Variants in PREX2 observed in about 807,000 individuals in gnomAD.
The protein encoded by PREX2 is phosphatidylinositol-3,4,5-trisphosphate dependent Rac exchange factor 2, also known as phosphatidylinositol 3,4,5-trisphosphate-dependent Rac exchanger 2 protein.
PREX2 carries 107 observed loss-of-function variants against 203.2 expected under a neutral mutation model. The ratio of observed to expected loss-of-function variants is 0.53; its 90% CI spans 0.45 to 0.62. The LOEUF (loss-of-function observed/expected upper bound fraction) is 0.62. PREX2 is among the 20% of genes least tolerant of loss of function. The pLI is 0.00. For missense variants in PREX2, 1,777 were observed against 1,955.9 expected (o/e 0.91, Z 1.72); for synonymous variants, 672 against 663.6 (o/e 1.01, Z -0.19).
intron 1 of PREX2, among the ~76,000 whole-genome samples, chr8:67,971,214 GCGT>G (rs1805918109): frequency 6.6e-6 from 1 of 152,180 alleles, no homozygotes; most frequent in African/African-American, 2.4e-5. Context: ...GGTTCAGAAA[GCGT>G]CGTCTGGGAG....
rs149599473 is a variant in PREX2 at position 68,209,948 on chromosome 8, T to TAAA, written c.4605-7666_4605-7664dup. Among the ~76,000 whole-genome samples the TAAA allele has an allele frequency of 5.9e-3, 903 of 152,296 alleles. 4 individuals are homozygous for TAAA. Among genetic ancestry groups the TAAA allele is most frequent in the Non-Finnish European group, 8.6e-3 (587 of 68,018 alleles). ...TAACAGGAAATTCTTCTGCTAATTA[T>TAAA]AAAACTGCACTAACACAAAACAAGA... On this transcript the variant is annotated intron_variant, in intron 37 of 39. Transcript: ENST00000288368.
intron 1 of PREX2, 95 bp from the exon 2 acceptor site, chr8:68,017,751 T>C (rs1052264434): frequency 1.0e-6 from 1 of 968,306 alleles, no homozygotes; most frequent in South Asian, 1.4e-5. Flanking sequence ...TTTTACACTT[T>C]GGTTTGTTGT....
chr8:68,175,405 G>A lies in PREX2; in HGVS notation c.4347-16317G>A, dbSNP rs148957857. 5.2e-3 allele frequency among the ~76,000 whole-genome samples: 789 copies of A among 152,212 alleles called. 3 individuals are homozygous for A. The highest frequency in any genetic ancestry group is 7.2e-3 in the Non-Finnish European group (487 of 67,996). On this transcript the variant is annotated intron_variant, in intron 35 of 39. Coordinates refer to ENST00000288368, the MANE Select transcript of PREX2 (RefSeq NM_024870.4). ...CTTCTAAGTGGGGCAGGCCGGGGTC[G>A]GAGAGGATGCATATTCTACTGTGCA...
At position 68,080,810 on chromosome 8, in the gene PREX2, A is replaced by C; in HGVS notation, c.1850A>C (p.Lys617Thr). ...LEDKNKVPIIKLVEKGSNAEM... is the reference protein window; with the variant it reads ...LEDKNKVPIITLVEKGSNAEM... ...GACAAAAATAAAGTTCCAATAATAA[A>C]GTTGGTAGAAAAGGGATCTAATGCT... The change falls in exon 17 of 40, where the codon AAG (lysine) becomes ACG (threonine). Residue 617 changes from lysine (K) to threonine (T), a missense_variant. Lys to Thr is a moderately conservative substitution (Grantham distance 78). Coordinates refer to ENST00000288368, the MANE Select transcript of PREX2 (RefSeq NM_024870.4). The C allele has an allele frequency of 1.3e-6, 2 of 1,549,850 alleles. No individual in the cohort carries two copies. The highest frequency in any genetic ancestry group is 1.1e-5 in the South Asian group (1 of 87,004).
Position 68,060,425 on chromosome 8 carries a change from A to AAC in PREX2, c.1239-252_1239-251dup, listed in dbSNP as rs568262441. On this transcript the variant is annotated intron_variant, in intron 10 of 39. Coordinates refer to ENST00000288368, the MANE Select transcript of PREX2 (RefSeq NM_024870.4). ...TCACTTTGTGTTTATTAGAGGCCTC[A>AAC]ACAAGTTGAATAGTTTAAAACTAAG... Among the ~76,000 whole-genome samples the AAC allele has an allele frequency of 3.0e-4, 45 of 152,350 alleles. No homozygotes were observed. The East Asian group carries it at 8.1e-3, about 27-fold the overall frequency.
chr8:68,080,941 ATTATCT>A, intron 17 of PREX2, 103 bp downstream of exon 17: 1 of 742,690 alleles, frequency 1.3e-6, no homozygotes, highest in East Asian at 2.5e-5. Flanking sequence ...CAGCCTTGAA[ATTATCT>A]TTATCAAACA....
At chr8:67,997,800 A>C (rs1806809774) in intron 1 of PREX2, among the ~76,000 whole-genome samples, 1 of 152,104 alleles carries the variant, frequency 6.6e-6, no homozygotes, top group African/African-American at 2.4e-5. Context: ...TGTCATAAAA[A>C]ACATTTACTT....
At position 68,127,392 on chromosome 8, in the gene PREX2, C is replaced by T; in HGVS notation, c.3739C>T (p.Leu1247=). The change falls in exon 31 of 40, where the codon CTA becomes TTA. Residue 1247 remains leucine (L), a synonymous_variant. Coordinates refer to ENST00000288368, the MANE Select transcript of PREX2 (RefSeq NM_024870.4). ...TTTCTCTGCAGAGGTAAAGTGTAGG[C>T]TACTCCTGGCTCTTCTTGAATATTC... ...RKFVEEVKCR[L]LLALLEYSDS... is the part of the protein sequence containing the mutation. 1 of 1,607,136 alleles carries T rather than the reference C, an allele frequency of 6.2e-7. No homozygotes were observed. Among genetic ancestry groups the T allele is most frequent in the Admixed American group, 1.7e-5 (1 of 59,706 alleles).
In PREX2 at chr8:68,235,675, C is replaced by T. The variant is rs764974237; in HGVS notation, c.*4297C>T. On this transcript the variant is annotated 3_prime_UTR_variant, in exon 40 of 40. Transcript: ENST00000288368. Reference sequence around the variant, plus strand: ...AGAGGGGTCTGTACCAAAAATGGCCCCAGGATATTCCATTGAACAAATATT... The same window carrying T: ...AGAGGGGTCTGTACCAAAAATGGCCTCAGGATATTCCATTGAACAAATATT... 6.6e-6 allele frequency: 1 copy of T among 152,084 alleles called. No homozygotes were observed. Among genetic ancestry groups the T allele is most frequent in the Non-Finnish European group, 1.5e-5 (1 of 68,008 alleles). 9.4% of individuals were successfully genotyped at this position (152,084 alleles called of 1,614,324 possible).
rs11993393 is a variant in PREX2 at position 67,978,869 on chromosome 8, T to C, written c.141+26334T>C. Among the ~76,000 whole-genome samples the C allele has an allele frequency of 9.0e-3, 1,369 of 152,302 alleles. 15 individuals are homozygous for C. Among genetic ancestry groups the C allele is most frequent in the African/African-American group, 0.03 (1,251 of 41,548 alleles). On this transcript the variant is annotated intron_variant, in intron 1 of 39. Transcript: ENST00000288368. ...CAGAGTTTATAGCTTAGAGTAGTTA[T>C]TCAAGAAATATATGCTGATTGATCA... is the stretch of plus-strand genomic sequence containing the variant.
intron 1 of PREX2, among the ~76,000 whole-genome samples, chr8:67,974,129 GA>G (rs1806003062): frequency 6.6e-6 from 1 of 152,142 alleles, no homozygotes; most frequent in Non-Finnish European, 1.5e-5. Flanking sequence ...GAAAATTGGA[GA>G]AAGAGTGAAT....
intron 38 of PREX2, among the ~76,000 whole-genome samples, chr8:68,223,814 G>A (rs1813004603): frequency 6.6e-6 from 1 of 152,078 alleles, no homozygotes; most frequent in Non-Finnish European, 1.5e-5. Context: ...GACATAGCTT[G>A]TCCAAAAATT....
chr8:68,097,458 G>A (rs1305104170), intron 22 of PREX2, among the ~76,000 whole-genome samples: 1 of 151,948 alleles, frequency 6.6e-6, no homozygotes, highest in Non-Finnish European at 1.5e-5. Context: ...CCAAGTAGCT[G>A]GGATTACAGG....
rs766775806 is a variant in PREX2 at position 68,127,384 on chromosome 8, A to G, written c.3731A>G (p.Lys1244Arg). 1.9e-6 allele frequency: 3 copies of G among 1,605,868 alleles called. No homozygotes were observed. The Admixed American group carries it at 5.0e-5, about 27-fold the overall frequency. ...GTGTTTTCTTTCTCTGCAGAGGTAAAGTGTAGGCTACTCCTGGCTCTTCTT... is the reference window on the plus strand; with the variant it reads ...GTGTTTTCTTTCTCTGCAGAGGTAAGGTGTAGGCTACTCCTGGCTCTTCTT... ...QNIRKFVEEV[K>R]CRLLLALLEY... is the part of the protein sequence containing the mutation. The change falls in exon 31 of 40, where the codon AAG (lysine) becomes AGG (arginine). Residue 1244 changes from lysine to arginine, a missense_variant. Coordinates refer to ENST00000288368, the MANE Select transcript of PREX2 (RefSeq NM_024870.4).
intron 33 of PREX2, among the ~76,000 whole-genome samples, chr8:68,143,363 T>C (rs988119131): frequency 3.9e-5 from 6 of 152,274 alleles, no homozygotes; most frequent in South Asian, 2.1e-4. Context: ...TGCCATATGA[T>C]GTGCCTGCTA....
chr8:68,204,171 C>A (rs1054532994), intron 37 of PREX2, among the ~76,000 whole-genome samples: 1 of 151,700 alleles, frequency 6.6e-6, no homozygotes, highest in African/African-American at 2.4e-5. Flanking sequence ...GTTTCATAGT[C>A]ATATACATTC....
At chr8:68,132,913 C>T (rs567242440) in intron 31 of PREX2, among the ~76,000 whole-genome samples, 2 of 152,232 alleles carry the variant, frequency 1.3e-5, no homozygotes, top group Admixed American at 1.3e-4. Context: ...TAGCTTCTTT[C>T]CGTTTGAAAA....
At chr8:68,202,561 G>T (rs1320077302) in intron 37 of PREX2, among the ~76,000 whole-genome samples, 2 of 152,172 alleles carry the variant, frequency 1.3e-5, no homozygotes, top group African/African-American at 2.4e-5. Flanking sequence ...CAGTATTACA[G>T]CAAGAGAAGA....
intron 30 of PREX2, among the ~76,000 whole-genome samples, chr8:68,123,459 G>A (rs536757963): frequency 6.6e-6 from 1 of 151,788 alleles, no homozygotes; most frequent in South Asian, 2.1e-4. Flanking sequence ...GTTGATTTTT[G>A]AAAAAATTAA....
Sources: gnomAD v4.1 joint callset for allele counts (sites outside exome capture counted in the v4.1 genomes callset) on GRCh38, gnomAD v4.1.1 for gene constraint, MANE v1.5 for transcripts, NCBI Gene and HGNC (gene_info 2026-07-23, HGNC 2026-07-21) for gene names.